Variants in DNAAF3 observed in about 807,000 individuals in gnomAD.
DNAAF3 encodes the protein UPF0470 protein C19orf51.
DNAAF3 carries 40 observed loss-of-function variants against 50.9 expected under a neutral mutation model. The observed-to-expected ratio is 0.79, with a 90% CI of 0.61 to 1.02. The LOEUF (loss-of-function observed/expected upper bound fraction) is 1.02, where lower values mean the gene tolerates loss of function less well. DNAAF3 is among the 50% of genes least tolerant of loss of function. DNAAF3 has a pLI of 0.00. For missense variants in DNAAF3, 763 were observed against 744.7 expected (o/e 1.02, Z -0.29); for synonymous variants, 327 against 322.8 (o/e 1.01, Z -0.14).
Position 55,161,577 on chromosome 19 carries a change from G to T in DNAAF3, c.663+66C>A. The T allele has an allele frequency of 6.8e-7, 1 of 1,472,924 alleles. No individual in the cohort carries two copies. Among genetic ancestry groups the T allele is most frequent in the South Asian group, 1.3e-5 (1 of 75,644 alleles). The allele number at this position is 1,472,924 out of a possible 1,614,324, so 91.2% of individuals were successfully genotyped here. The stretch of plus-strand genomic sequence containing the variant: ...AACCCTCCTCCCTCAGACTCAGGAG[G>T]CCCCCAGCCCCTCCTCCCTCAGACC... On this transcript the variant is annotated intron_variant, in intron 6 of 11. Transcript: ENST00000524407. This position sits in a 1 kb window ranked among gnomAD's most constrained non-coding sequence, Gnocchi z 6.4.
At chr19:55,162,400 G>T in intron 4 of DNAAF3, 110 bp from the exon 5 acceptor site, 1 of 1,170,732 alleles carries the variant, frequency 8.5e-7, no homozygotes, top group Non-Finnish European at 1.1e-6. Context: ...ATGAACCCCC[G>T]CAAACTCCCC....
In DNAAF3 at chr19:55,165,403, C is replaced by A. The variant is rs1419760845; in HGVS notation, c.289G>T (p.Ala97Ser). ...CCCATCTTCTCCGGTTCCTCCAGGG[C>A]TAGGCTGAAGATCAGCATGTGTCGG... is the stretch of plus-strand genomic sequence containing the variant. ...VARHMLIFSL[A>S]LEEPEKMGLQ... Residue 97 changes from alanine (A) to serine (S), a missense_variant, in exon 4 of 12, where the codon GCC becomes TCC. Transcript: ENST00000524407. 1 of 1,614,168 alleles carries A rather than the reference C, an allele frequency of 6.2e-7. No individual in the cohort carries two copies. Among genetic ancestry groups the A allele is most frequent in the Middle Eastern group, 1.7e-4 (1 of 6,056 alleles).
intron 4 of DNAAF3, among the ~76,000 whole-genome samples, chr19:55,164,750 C>G (rs1014143910): frequency 7.9e-5 from 12 of 152,152 alleles, no homozygotes; most frequent in African/African-American, 2.9e-4. Context: ...GTCTCGATCT[C>G]CTGACCTCGT....
Position 55,161,685 on chromosome 19 carries a change from AC to A in DNAAF3, c.620del (p.Gly207ValfsTer9), listed in dbSNP as rs2147297693. On this transcript the variant is annotated frameshift_variant, in exon 6 of 12. Transcript: ENST00000524407. LOFTEE classifies it high-confidence loss of function. This position sits in a 1 kb window ranked among gnomAD's most constrained non-coding sequence, Gnocchi z 6.4. The stretch of plus-strand genomic sequence containing the variant: ...TCATGCGCAGGTCCCAGTCGCTGAC[AC>A]CGCGCCGGGCGTCGTAGCGGGAGCC... ...YLGSRYDARR[G>X]VSDWDLRMKL... The A allele has an allele frequency of 7.8e-6, 12 of 1,540,076 alleles. No homozygotes were observed. In the South Asian group the frequency reaches 1.4e-4, roughly 18 times the overall value.
Position 55,161,360 on chromosome 19 carries a change from T to G in DNAAF3, c.722A>C (p.Glu241Ala). Residue 241 changes from glutamate (E) to alanine (A), a missense_variant, in exon 7 of 12, where the codon GAA (glutamate) becomes GCA (alanine). Physicochemically the swap from Glu to Ala is moderately radical, Grantham distance 107. Coordinates refer to ENST00000524407, the MANE Select transcript of DNAAF3 (RefSeq NM_001256715.2). The surrounding 1 kb of genome is among the most constrained non-coding windows in gnomAD (Gnocchi z 6.4). ...RRWRDTGVAF[E>A]LRDSSAYHVP... ...ATGATAGGCGCTGGAGTCCCTGAGT[T>G]CAAAGGCGACGCCTGTGTCCCGCCA... The G allele has an allele frequency of 6.3e-7, 1 of 1,584,614 alleles. No individual in the cohort carries two copies. Among genetic ancestry groups the G allele is most frequent in the Non-Finnish European group, 8.6e-7 (1 of 1,165,030 alleles).
At chr19:55,162,019 T>C in intron 5 of DNAAF3, 114 bp downstream of exon 5, 1 of 1,341,830 alleles carries the variant, frequency 7.5e-7, no homozygotes, top group South Asian at 1.9e-5. Context: ...GTCGGGGAAC[T>C]GGGATTCGAA....
chr19:55,160,136 G>T lies in DNAAF3; in HGVS notation c.1049-123C>A. 1.4e-6 allele frequency: 1 copy of T among 694,590 alleles called. No homozygotes were observed. 43.0% of individuals were successfully genotyped at this position (694,590 alleles called of 1,614,324 possible). A position where few individuals can be genotyped will look rare whatever the true frequency, so the allele number is the denominator to read the frequency against. On this transcript the variant is annotated intron_variant, in intron 9 of 11. Coordinates refer to ENST00000524407, the MANE Select transcript of DNAAF3 (RefSeq NM_001256715.2). The surrounding 1 kb of genome is among the most constrained non-coding windows in gnomAD (Gnocchi z 4.7). ...ACAGGACTTGGAGATAACACTTTTT[G>T]TCCTCTTGCAGCTTTTTAAAAAATC...
At chr19:55,164,003 G>A (rs1432236390) in intron 4 of DNAAF3, among the ~76,000 whole-genome samples, 1 of 152,132 alleles carries the variant, frequency 6.6e-6, no homozygotes, top group Non-Finnish European at 1.5e-5. Flanking sequence ...TCTCGTGATA[G>A]TGAGTTCCCA....
intron 3 of DNAAF3, 51 bp downstream of exon 3, chr19:55,165,803 CCCTT>C: frequency 1.3e-6 from 2 of 1,582,618 alleles, no homozygotes; most frequent in South Asian, 2.3e-5. Flanking sequence ...GAATTTCAAT[CCCTT>C]CCTCCCTCAA....
rs1465014622 is a variant in DNAAF3 at position 55,166,138 on chromosome 19, G to A, written c.86-138C>T. The A allele has an allele frequency of 1.0e-5, 16 of 1,559,280 alleles. No individual in the cohort carries two copies. Among genetic ancestry groups the A allele is most frequent in the Non-Finnish European group, 1.4e-5 (16 of 1,152,606 alleles). ...GGTTCTAAGGGGAGGTGTTTCCTCT[G>A]AGTATTCTGGGATTCGCAGTCCGCA... is the stretch of plus-strand genomic sequence containing the variant. On this transcript the variant is annotated intron_variant, in intron 2 of 11. Coordinates refer to ENST00000524407, the MANE Select transcript of DNAAF3 (RefSeq NM_001256715.2). This position sits in a 1 kb window ranked among gnomAD's most constrained non-coding sequence, Gnocchi z 4.0.
At chr19:55,159,688 G>A (rs774636121) in intron 10 of DNAAF3, 81 bp from the exon 11 acceptor site, 2 of 1,595,468 alleles carry the variant, frequency 1.3e-6, no homozygotes, top group South Asian at 1.1e-5. Context: ...CAGACAATGA[G>A]GGAGGAGGGG....
rs71367156 is a variant in DNAAF3 at position 55,160,783 on chromosome 19, T to C, written c.913-8A>G. The C allele has an allele frequency of 2.3e-3, 3,633 of 1,606,684 alleles. 11 individuals are homozygous for C. Among genetic ancestry groups the C allele is most frequent in the Non-Finnish European group, 2.9e-3 (3,433 of 1,178,692 alleles). On this transcript the variant is annotated splice_polypyrimidine_tract_variant and splice_region_variant and intron_variant, in intron 8 of 11. Transcript: ENST00000524407. This position sits in a 1 kb window ranked among gnomAD's most constrained non-coding sequence, Gnocchi z 4.7. ...AGTGATCTCCCCGGCCGTCTAACAG[T>C]AGAAGGGGCGTGGCCAGACGTCGGG... is the stretch of plus-strand genomic sequence containing the variant.
Position 55,159,022 on chromosome 19 carries a change from G to T in DNAAF3, c.*40C>A. The T allele has an allele frequency of 6.5e-7, 1 of 1,531,674 alleles. No individual in the cohort carries two copies. The highest frequency in any genetic ancestry group is 1.3e-5 in the South Asian group (1 of 77,812). 94.9% of individuals were successfully genotyped at this position (1,531,674 alleles called of 1,614,324 possible). ...TCAGCGGGTTCTCATCCTACAACCT[G>T]ACTTTGGAAGTTGGAGATAAGGGGT... is the stretch of plus-strand genomic sequence containing the variant. On this transcript the variant is annotated 3_prime_UTR_variant, in exon 12 of 12. Transcript: ENST00000524407.
At chr19:55,164,174 G>A (rs2085895249) in intron 4 of DNAAF3, among the ~76,000 whole-genome samples, 1 of 152,120 alleles carries the variant, frequency 6.6e-6, no homozygotes, top group Non-Finnish European at 1.5e-5. Context: ...GTGGAACTGT[G>A]AGTCAATTAA....
Position 55,159,044 on chromosome 19 carries a change from G to A in DNAAF3, c.*18C>T. 3 of 1,551,504 alleles carry A rather than the reference G, an allele frequency of 1.9e-6. No individual in the cohort carries two copies. The highest frequency in any genetic ancestry group is 2.6e-6 in the Non-Finnish European group (3 of 1,150,740). ...CCTGACTTTGGAAGTTGGAGATAAG[G>A]GGTGTCTAGGGGTTGGGTCAGACTC... On this transcript the variant is annotated 3_prime_UTR_variant, in exon 12 of 12. Coordinates refer to ENST00000524407, the MANE Select transcript of DNAAF3 (RefSeq NM_001256715.2).
In DNAAF3 at chr19:55,159,571, A is replaced by G; in HGVS notation, c.1200T>C (p.Cys400=). 1 of 1,607,370 alleles carries G rather than the reference A, an allele frequency of 6.2e-7. No individual in the cohort carries two copies. The highest frequency in any genetic ancestry group is 8.5e-7 in the Non-Finnish European group (1 of 1,176,654). ...CAATCAAGTTCCCTCCGGGTGCCACACAGGCCCCAAGCTCAGGGATGAGAA... is the reference window on the plus strand; with the variant it reads ...CAATCAAGTTCCCTCCGGGTGCCACGCAGGCCCCAAGCTCAGGGATGAGAA... ...VHLLIPELGA[C]VAPGGNLIVE... The change falls in exon 11 of 12, where the codon TGT becomes TGC. Residue 400 remains cysteine, a synonymous_variant. Coordinates refer to ENST00000524407, the MANE Select transcript of DNAAF3 (RefSeq NM_001256715.2).
At chr19:55,165,264 C>T (rs909242865) in intron 4 of DNAAF3, 106 bp downstream of exon 4, 1 of 1,127,344 alleles carries the variant, frequency 8.9e-7, no homozygotes, top group Admixed American at 1.9e-5. Context: ...ACCTCCGCCT[C>T]CCAGGAAAAT....
rs201101258 is a variant in DNAAF3 at position 55,166,599 on chromosome 19, C to T, written c.-81G>A. 2.4e-4 allele frequency: 390 copies of T among 1,614,040 alleles called. 1 individual carries two copies. The highest frequency in any genetic ancestry group is 3.2e-4 in the Non-Finnish European group (375 of 1,180,012). On this transcript the variant is annotated 5_prime_UTR_variant, in exon 1 of 12. Coordinates refer to ENST00000524407, the MANE Select transcript of DNAAF3 (RefSeq NM_001256715.2). This position sits in a 1 kb window ranked among gnomAD's most constrained non-coding sequence, Gnocchi z 4.0. ...ACTGTGGACCCGCGGCACTCCACAA[C>T]CGCTGCCCAGAGTCCCCGCCCTTTT...
Position 55,158,911 on chromosome 19 carries a change from CA to C in DNAAF3, c.*150del. On this transcript the variant is annotated 3_prime_UTR_variant, in exon 12 of 12. Transcript: ENST00000524407. Reference sequence around the variant, plus strand: ...TCAGAAATGGAATTTGAAAGTCTACCAACACTCCCGGGGTGGGGGTGGCGGG... The same window carrying C: ...TCAGAAATGGAATTTGAAAGTCTACCACACTCCCGGGGTGGGGGTGGCGGG... The C allele has an allele frequency of 1.3e-6, 1 of 787,654 alleles. No individual in the cohort carries two copies. Among genetic ancestry groups the C allele is most frequent in the South Asian group, 2.2e-5 (1 of 45,682 alleles). The allele number at this position is 787,654 out of a possible 1,614,324, so 48.8% of individuals were successfully genotyped here. A position where few individuals can be genotyped will look rare whatever the true frequency, so the allele number is the denominator to read the frequency against.
Sources: allele counts gnomAD v4.1 joint callset (sites outside exome capture counted in the v4.1 genomes callset), GRCh38; gene constraint gnomAD v4.1.1; non-coding constraint Gnocchi (gnomAD v3.1); transcripts MANE v1.5; gene names NCBI Gene and HGNC (gene_info 2026-07-23, HGNC 2026-07-21).